Variants in TMED3 observed in about 807,000 individuals in gnomAD.
TMED3 encodes transmembrane p24 trafficking protein 3, also known as transmembrane emp24 domain-containing protein 3.
Under a neutral mutation model 15.0 loss-of-function variants are expected in TMED3, and 9 were observed. That is an observed-to-expected ratio of 0.60 (90% CI 0.36 to 1.04). The LOEUF (loss-of-function observed/expected upper bound fraction) is 1.04. TMED3 is among the 50% of genes least tolerant of loss of function. TMED3 has a pLI of 0.01. For synonymous variants in TMED3, 117 were observed against 121.4 expected (o/e 0.96, Z 0.24); for missense variants, 267 against 278.9 (o/e 0.96, Z 0.30).
chr15:79,410,046 C>A (rs1413743235), intron 2 of TMED3, among the ~76,000 whole-genome samples: 5 of 152,058 alleles, frequency 3.3e-5, no homozygotes, highest in Non-Finnish European at 7.4e-5. Flanking sequence ...CCCTATGCTC[C>A]TTTCATACCC....
chr15:79,395,236 G>A (rs1163984274), intron 2 of TMED3, among the ~76,000 whole-genome samples: 1 of 152,200 alleles, frequency 6.6e-6, no homozygotes, highest in Non-Finnish European at 1.5e-5. Flanking sequence ...CTGGAGTGCA[G>A]TGGCACGATC....
intron 2 of TMED3, among the ~76,000 whole-genome samples, chr15:79,347,515 T>C (rs2058875357): frequency 6.6e-6 from 1 of 152,116 alleles, no homozygotes; most frequent in Admixed American, 6.5e-5. Flanking sequence ...CAACATTGTA[T>C]TGGAAGTCAC....
chr15:79,395,130 T>C (rs577550694), intron 2 of TMED3, among the ~76,000 whole-genome samples: 1 of 152,348 alleles, frequency 6.6e-6, no homozygotes, highest in South Asian at 2.1e-4. Context: ...TTCGTTTTTT[T>C]ACTCAACTCT....
intron 2 of TMED3, chr15:79,383,054 T>C (rs1341299793): frequency 6.5e-7 from 1 of 1,533,714 alleles, no homozygotes; most frequent in Non-Finnish European, 8.7e-7. Flanking sequence ...AACTGCTTGT[T>C]TACCTCCTGT....
intron 2 of TMED3, among the ~76,000 whole-genome samples, chr15:79,343,946 A>G (rs952864149): frequency 2.6e-5 from 4 of 152,188 alleles, no homozygotes; most frequent in South Asian, 2.1e-4. Flanking sequence ...AGAGATAGCA[A>G]TTCAACAGCC....
intron 2 of TMED3, among the ~76,000 whole-genome samples, chr15:79,385,646 G>C (rs1470288711): frequency 2.0e-5 from 3 of 152,200 alleles, no homozygotes; most frequent in African/African-American, 7.2e-5. Context: ...CAAGAGGGCA[G>C]ATCCTGCCTG....
At chr15:79,358,648 G>C (rs1323114781) in intron 2 of TMED3, among the ~76,000 whole-genome samples, 1 of 152,206 alleles carries the variant, frequency 6.6e-6, no homozygotes, top group African/African-American at 2.4e-5. Flanking sequence ...TCTGACCACT[G>C]CCTTCCAGTT....
At chr15:79,328,631 T>C (rs1396345552) in intron 2 of TMED3, among the ~76,000 whole-genome samples, 1 of 152,104 alleles carries the variant, frequency 6.6e-6, no homozygotes, top group East Asian at 1.9e-4. Flanking sequence ...CAAGGATAAG[T>C]TACAAAGACC....
chr15:79,344,212 C>T (rs1368517414), intron 2 of TMED3, among the ~76,000 whole-genome samples: 1 of 152,130 alleles, frequency 6.6e-6, no homozygotes, highest in Non-Finnish European at 1.5e-5. Flanking sequence ...CCACAAGGCA[C>T]CAGAAGATGC....
intron 2 of TMED3, among the ~76,000 whole-genome samples, chr15:79,341,827 A>G (rs1442588242): frequency 6.6e-6 from 1 of 152,174 alleles, no homozygotes; most frequent in Non-Finnish European, 1.5e-5. Context: ...CAATGTCTGG[A>G]GATATTTTTA....
chr15:79,313,823 A>G lies in TMED3; in HGVS notation c.235A>G (p.Arg79Gly). Reference protein sequence around the residue: ...VEDPQGNTIYRETKKQYDSFT... With the variant: ...VEDPQGNTIYGETKKQYDSFT... ...GGACCCCCAGGGGAACACCATCTAC[A>G]GAGAAACGAAGAAGCAGTACGACAG... Residue 79 changes from arginine to glycine, a missense_variant, in exon 2 of 3, where the codon AGA becomes GGA. By Grantham distance (125) the Arg-to-Gly change is moderately radical. Coordinates refer to ENST00000299705, the MANE Select transcript of TMED3 (RefSeq NM_007364.4). 6.2e-7 allele frequency: 1 copy of G among 1,614,242 alleles called. No individual in the cohort carries two copies. Among genetic ancestry groups the G allele is most frequent in the Non-Finnish European group, 8.5e-7 (1 of 1,180,036 alleles).
intron 2 of TMED3, among the ~76,000 whole-genome samples, chr15:79,397,917 C>G (rs1893782838): frequency 6.6e-6 from 1 of 152,304 alleles, no homozygotes; most frequent in East Asian, 1.9e-4. Flanking sequence ...CATACCCAAC[C>G]TCTCTGACTA....
exon 3 of TMED3, chr15:79,413,690 A>T (rs1287660795): frequency 6.6e-6 from 1 of 152,208 alleles, no homozygotes; most frequent in Non-Finnish European, 1.5e-5. Flanking sequence ...TTGTTCAAGC[A>T]GGAACTTTAC....
chr15:79,398,584 C>T (rs991007476), intron 2 of TMED3, among the ~76,000 whole-genome samples: 5 of 152,002 alleles, frequency 3.3e-5, no homozygotes, highest in African/African-American at 1.2e-4. Context: ...ATCGATGTCC[C>T]AGCTTGATCA....
At chr15:79,377,803 C>G (rs545960000) in intron 2 of TMED3, among the ~76,000 whole-genome samples, 2 of 152,066 alleles carry the variant, frequency 1.3e-5, no homozygotes, top group African/African-American at 4.8e-5. Context: ...CCCGCCACCG[C>G]GCCGGGCCAA....
intron 2 of TMED3, among the ~76,000 whole-genome samples, chr15:79,329,304 G>T (rs888058660): frequency 1.3e-5 from 2 of 152,152 alleles, no homozygotes; most frequent in African/African-American, 4.8e-5. Context: ...GACTGCAGGG[G>T]ATACAACAAA....
intron 2 of TMED3, among the ~76,000 whole-genome samples, chr15:79,319,924 A>G (rs2058757986): frequency 6.6e-6 from 1 of 152,240 alleles, no homozygotes; most frequent in African/African-American, 2.4e-5. Context: ...AAAGAAGACT[A>G]GGAGTGTGAC....
At chr15:79,346,088 C>T (rs1386809409) in intron 2 of TMED3, among the ~76,000 whole-genome samples, 3 of 152,064 alleles carry the variant, frequency 2.0e-5, no homozygotes, top group African/African-American at 7.2e-5. Context: ...AAATTTTCTC[C>T]CATTCTGTAG....
intron 2 of TMED3, among the ~76,000 whole-genome samples, chr15:79,386,954 C>G (rs1432114138): frequency 7.7e-6 from 1 of 129,330 alleles, no homozygotes; most frequent in East Asian, 2.2e-4. Context: ...TTTTTTGAGA[C>G]AATGTCTCGT....
Sources: allele counts gnomAD v4.1 joint callset (sites outside exome capture counted in the v4.1 genomes callset), GRCh38; gene constraint gnomAD v4.1.1; transcripts MANE v1.5; gene names NCBI Gene and HGNC (gene_info 2026-07-23, HGNC 2026-07-21).